DNER: variants seen among roughly 807,000 people sequenced by gnomAD.
DNER encodes the protein delta and Notch-like epidermal growth factor-related receptor.
In DNER, 33 loss-of-function variants were observed where a neutral mutation model predicts 78.2. That is an observed-to-expected ratio of 0.42 (90% CI 0.32 to 0.56). DNER has a LOEUF of 0.56. DNER is among the 20% of genes least tolerant of loss of function. The pLI, the probability that DNER is intolerant of heterozygous loss-of-function variation, is 0.11. For missense variants in DNER, 918 were observed against 975.3 expected (o/e 0.94, Z 0.78); for synonymous variants, 417 against 384.8 (o/e 1.08, Z -0.98).
chr2:229,453,573 C>A (rs1322054192), intron 7 of DNER, among the ~76,000 whole-genome samples: 1 of 152,146 alleles, frequency 6.6e-6, no homozygotes, highest in Non-Finnish European at 1.5e-5. Context: ...GAACTCTGAA[C>A]AACTGTAGCT....
intron 6 of DNER, among the ~76,000 whole-genome samples, chr2:229,483,636 T>C (rs1484752900): frequency 1.3e-5 from 2 of 152,160 alleles, no homozygotes; most frequent in African/African-American, 4.8e-5. Context: ...ATACAAAAGA[T>C]AATTTCAAAT....
At chr2:229,442,760 T>C (rs1375928095) in intron 8 of DNER, among the ~76,000 whole-genome samples, 1 of 152,174 alleles carries the variant, frequency 6.6e-6, no homozygotes, top group Non-Finnish European at 1.5e-5. Flanking sequence ...ACTACTGATA[T>C]TTTCAGGTCT....
intron 5 of DNER, among the ~76,000 whole-genome samples, chr2:229,523,904 T>A (rs13410501): frequency 0.25 from 37,705 of 152,170 alleles, 7,004 homozygotes; most frequent in African/African-American, 0.52. Flanking sequence ...TTAGAGAAAA[T>A]GTCTGTGTCA....
chr2:229,518,953 C>CTTTTTTTTT (rs11441895), intron 5 of DNER, among the ~76,000 whole-genome samples: 1 of 145,350 alleles, frequency 6.9e-6, no homozygotes. Context: ...TGCGATTACT[C>CTTTTTTTTT]TTTTTTTTTT....
chr2:229,529,569 G>A (rs946056169), intron 5 of DNER, among the ~76,000 whole-genome samples: 5 of 152,070 alleles, frequency 3.3e-5, no homozygotes, highest in Non-Finnish European at 7.4e-5. Flanking sequence ...TTTGGCTAAC[G>A]TGTATGATTT....
chr2:229,607,893 A>C (rs6709611), intron 1 of DNER, among the ~76,000 whole-genome samples: 13,452 of 151,778 alleles, frequency 0.089, 925 homozygotes, highest in African/African-American at 0.18. Context: ...ATGGTGGTAC[A>C]TGTATGTAAT....
rs1332007597 is a variant in DNER at position 229,447,310 on chromosome 2, A to G, written c.1486+6T>C. 6.3e-7 allele frequency: 1 copy of G among 1,591,308 alleles called. No homozygotes were observed. ...GGAAGATGTACTGTGTAGGGGCGGT[A>G]CCCACCTGGATCACAGAGGCATTTG... On this transcript the variant is annotated splice_donor_region_variant and intron_variant, in intron 8 of 12. Transcript: ENST00000341772.
At chr2:229,580,933 C>A (rs569937794) in intron 4 of DNER, among the ~76,000 whole-genome samples, 2 of 152,106 alleles carry the variant, frequency 1.3e-5, no homozygotes, top group South Asian at 4.2e-4. Flanking sequence ...TTCAGTGAGG[C>A]CTTAGAAATG....
At chr2:229,563,494 C>A (rs1697011300) in intron 4 of DNER, among the ~76,000 whole-genome samples, 1 of 137,928 alleles carries the variant, frequency 7.3e-6, no homozygotes, top group Non-Finnish European at 1.5e-5. Context: ...CATCCTCACC[C>A]CATCATCATC....
At chr2:229,386,376 A>T (rs1692866146) in intron 11 of DNER, among the ~76,000 whole-genome samples, 1 of 152,230 alleles carries the variant, frequency 6.6e-6, no homozygotes, top group African/African-American at 2.4e-5. Flanking sequence ...CCCTAGAAGA[A>T]AACCTAGGCA....
At chr2:229,637,215 A>G (rs188522621) in intron 1 of DNER, among the ~76,000 whole-genome samples, 4 of 152,254 alleles carry the variant, frequency 2.6e-5, no homozygotes, top group Non-Finnish European at 5.9e-5. Context: ...TGGTAATACA[A>G]TATCTACCCA....
intron 1 of DNER, among the ~76,000 whole-genome samples, chr2:229,657,322 AT>A (rs1171534042): frequency 6.6e-6 from 1 of 152,034 alleles, no homozygotes; most frequent in Non-Finnish European, 1.5e-5. Context: ...GGATTTCCTC[AT>A]TTTTTTGTGG....
intron 1 of DNER, among the ~76,000 whole-genome samples, chr2:229,667,684 T>C (rs530800252): frequency 2.0e-5 from 3 of 152,330 alleles, no homozygotes; most frequent in Admixed American, 1.3e-4. Flanking sequence ...CCCCAATGCA[T>C]TTTCTGACAA....
intron 5 of DNER, among the ~76,000 whole-genome samples, chr2:229,539,493 C>A (rs1696471569): frequency 6.6e-6 from 1 of 152,166 alleles, no homozygotes; most frequent in Non-Finnish European, 1.5e-5. Context: ...TGTGAGATGG[C>A]CTTAGATCAG....
intron 1 of DNER, among the ~76,000 whole-genome samples, chr2:229,602,719 A>T (rs1002925122): frequency 6.6e-6 from 1 of 152,226 alleles, no homozygotes; most frequent in Non-Finnish European, 1.5e-5. Context: ...GATGAAAAAA[A>T]TTAAATTCCT....
chr2:229,623,988 G>T (rs1166044697), intron 1 of DNER, among the ~76,000 whole-genome samples: 3 of 152,204 alleles, frequency 2.0e-5, no homozygotes, highest in Admixed American at 6.5e-5. Flanking sequence ...GGGGCTTCAC[G>T]GAATCACAGA....
In DNER at chr2:229,418,091, G is replaced by T. The variant is rs1221744132; in HGVS notation, c.1609+17C>A. ...TTTAGAGCCATTCTGGCACAGGAAG[G>T]CCAGGCGGCCTCTCACCTTTGTATT... On this transcript the variant is annotated intron_variant, in intron 9 of 12. Transcript: ENST00000341772. 3.1e-6 allele frequency: 5 copies of T among 1,613,956 alleles called. No individual in the cohort carries two copies. In the East Asian group the frequency reaches 1.1e-4, roughly 36 times the overall value.
chr2:229,564,740 C>G (rs1204170491), intron 4 of DNER, among the ~76,000 whole-genome samples: 1 of 152,170 alleles, frequency 6.6e-6, no homozygotes, highest in Non-Finnish European at 1.5e-5. Context: ...TCATCATCAT[C>G]ATCATCACCA....
intron 12 of DNER, among the ~76,000 whole-genome samples, chr2:229,365,210 C>A (rs1477263165): frequency 6.6e-6 from 1 of 152,078 alleles, no homozygotes; most frequent in Non-Finnish European, 1.5e-5. Flanking sequence ...AGACGTGTCC[C>A]AAAGGAGCAC....
Sources: allele counts gnomAD v4.1 joint callset (sites outside exome capture counted in the v4.1 genomes callset), GRCh38; gene constraint gnomAD v4.1.1; transcripts MANE v1.5; gene names NCBI Gene and HGNC (gene_info 2026-07-23, HGNC 2026-07-21).